The following CCNE2 variants were observed in gnomAD, a reference collection of about 807,000 sequenced individuals.
CCNE2 encodes the protein cyclin E2.
CCNE2 carries 18 observed loss-of-function variants against 56.8 expected under a neutral mutation model. The ratio of observed to expected loss-of-function variants is 0.32; its 90% CI spans 0.22 to 0.47. CCNE2 has a LOEUF of 0.47. CCNE2 is among the 20% of genes least tolerant of loss of function. The pLI, the probability that CCNE2 is intolerant of heterozygous loss-of-function variation, is 1.00. For missense variants in CCNE2, 371 were observed against 467.1 expected (o/e 0.79, Z 1.90); for synonymous variants, 139 against 149.2 (o/e 0.93, Z 0.50).
At chr8:94,887,440 G>A (rs977022301) in intron 7 of CCNE2, among the ~76,000 whole-genome samples, 3 of 152,110 alleles carry the variant, frequency 2.0e-5, no homozygotes, top group Admixed American at 6.5e-5. Flanking sequence ...GGGAGGCGGA[G>A]GTTGCAGAGA....
At chr8:94,893,003 G>A (rs776411482) in intron 4 of CCNE2, 34 bp from the exon 5 acceptor site, 3 of 1,510,476 alleles carry the variant, frequency 2.0e-6, no homozygotes, top group African/African-American at 2.9e-5. Flanking sequence ...ATCAATTTGT[G>A]CAAGGAAAAC....
In CCNE2 at chr8:94,894,039, T is replaced by C. The variant is rs753978168; in HGVS notation, c.95A>G (p.Lys32Arg). ...TTAAATCACCTGGGTAGTTTTCCTC[T>C]TCTTGGCCTGGATTATCTGGGCTTC... is the stretch of plus-strand genomic sequence containing the variant. Reference protein sequence around the residue: ...PQEAQIIQAKKRKTTQDVKKR... With the variant: ...PQEAQIIQAKRRKTTQDVKKR... Residue 32 changes from lysine to arginine, a missense_variant, in exon 3 of 12, where the codon AAG becomes AGG. Coordinates refer to ENST00000308108, the MANE Select transcript of CCNE2 (RefSeq NM_057749.3). 1.9e-6 allele frequency: 3 copies of C among 1,613,808 alleles called. No homozygotes were observed. Among genetic ancestry groups the C allele is most frequent in the Non-Finnish European group, 2.5e-6 (3 of 1,179,964 alleles).
At chr8:94,893,629 G>A (rs1817327165) in intron 4 of CCNE2, 3 of 494,772 alleles carry the variant, frequency 6.1e-6, no homozygotes, top group East Asian at 7.0e-5. Context: ...CAGATTAGGC[G>A]GGCCCTGGTG....
Position 94,894,225 on chromosome 8 carries a change from C to T in CCNE2, c.-4G>A. The T allele has an allele frequency of 6.2e-7, 1 of 1,614,068 alleles. No individual in the cohort carries two copies. Among genetic ancestry groups the T allele is most frequent in the Non-Finnish European group, 8.5e-7 (1 of 1,180,010 alleles). ...AATGTTACCTTCGTCTTGACATTCT[C>T]TTCTTTCAGGTGTATAAAACCTCTG... On this transcript the variant is annotated 5_prime_UTR_variant, in exon 2 of 12. Transcript: ENST00000308108.
rs996466263 is a variant in CCNE2 at position 94,894,184 on chromosome 8, T to C, written c.14+24A>G. ...TAAAGGCAGCAACTAATTTGAAACATGTCTCTAAGACAGATAATGTTACCT... is the reference window on the plus strand; with the variant it reads ...TAAAGGCAGCAACTAATTTGAAACACGTCTCTAAGACAGATAATGTTACCT... On this transcript the variant is annotated intron_variant, in intron 2 of 11. Transcript: ENST00000308108. 4.3e-6 allele frequency: 7 copies of C among 1,613,820 alleles called. No individual in the cohort carries two copies. The African/African-American group carries it at 9.3e-5, about 22-fold the overall frequency.
rs1409657843 is a variant in CCNE2, at chr8:94,882,414, GTT to G, written c.944-127_944-126del. 57 of 740,442 alleles carry G rather than the reference GTT, an allele frequency of 7.7e-5. No individual in the cohort carries two copies. In the East Asian group the frequency reaches 1.6e-3, roughly 20 times the overall value. 45.9% of individuals were successfully genotyped at this position (740,442 alleles called of 1,614,324 possible). On this transcript the variant is annotated intron_variant, in intron 10 of 11. Coordinates refer to ENST00000308108, the MANE Select transcript of CCNE2 (RefSeq NM_057749.3). Reference sequence around the variant, plus strand: ...AAAGAAACCAAATCATAACCAAGAAGTTTAGCATGTCAAAACAGATTATCACT... The same window carrying G: ...AAAGAAACCAAATCATAACCAAGAAGTAGCATGTCAAAACAGATTATCACT...
In CCNE2 at chr8:94,885,574, T is replaced by C. The variant is rs1464651491; in HGVS notation, c.601-16A>G. The C allele has an allele frequency of 6.9e-7, 1 of 1,440,856 alleles. No individual in the cohort carries two copies. Among genetic ancestry groups the C allele is most frequent in the South Asian group, 1.2e-5 (1 of 84,082 alleles). 89.3% of individuals were successfully genotyped at this position (1,440,856 alleles called of 1,614,324 possible). On this transcript the variant is annotated splice_polypyrimidine_tract_variant and intron_variant, in intron 7 of 11. Coordinates refer to ENST00000308108, the MANE Select transcript of CCNE2 (RefSeq NM_057749.3). ...CATAGATTTCCTTTAAATTGTAATA[T>C]TTTTATTGAGTACAATTGAGATAGA...
intron 9 of CCNE2, 160 bp downstream of exon 9, chr8:94,884,907 C>T: frequency 1.7e-6 from 1 of 573,724 alleles, no homozygotes; most frequent in Non-Finnish European, 3.0e-6. Context: ...TATTAAGCAA[C>T]ATAAACACTG....
At chr8:94,882,028 T>A (rs565910454) in intron 11 of CCNE2, 104 bp downstream of exon 11, 3 of 1,176,922 alleles carry the variant, frequency 2.5e-6, no homozygotes, top group East Asian at 2.4e-5. Flanking sequence ...CTTAGAACTT[T>A]CTTTCCCCTG....
intron 7 of CCNE2, among the ~76,000 whole-genome samples, chr8:94,886,919 A>T (rs1367394213): frequency 6.6e-6 from 1 of 152,182 alleles, no homozygotes; most frequent in Admixed American, 6.5e-5. Context: ...AAGTTGTCTA[A>T]AACAGTATAA....
chr8:94,893,458 C>G (rs1270962061), intron 4 of CCNE2: 2 of 169,436 alleles, frequency 1.2e-5, no homozygotes, highest in African/African-American at 2.4e-5. Context: ...AACGCAATCA[C>G]TATCTCCAAA....
intron 1 of CCNE2, 195 bp from the exon 2 acceptor site, chr8:94,894,442 C>T: frequency 1.7e-6 from 1 of 590,042 alleles, no homozygotes; most frequent in Non-Finnish European, 3.0e-6. Context: ...ATTTCCTCAA[C>T]TGAATGTACA....
rs887215378 is a variant in CCNE2 at position 94,881,338 on chromosome 8, T to A, written c.*294A>T. ...TCAAGATAAACACAGTAACACTGGA[T>A]TAAAGGAAAAACATTGCTATGGTAT... On this transcript the variant is annotated 3_prime_UTR_variant, in exon 12 of 12. Transcript: ENST00000308108. 17 of 400,318 alleles carry A rather than the reference T, an allele frequency of 4.2e-5. No individual in the cohort carries two copies. Among genetic ancestry groups the A allele is most frequent in the Non-Finnish European group, 6.6e-5 (15 of 226,458 alleles). 24.8% of individuals were successfully genotyped at this position (400,318 alleles called of 1,614,324 possible).
At position 94,893,057 on chromosome 8, in the gene CCNE2, T is replaced by C; in HGVS notation, c.166-88A>G. 2.9e-6 allele frequency: 3 copies of C among 1,038,434 alleles called. No homozygotes were observed. The South Asian group carries it at 4.9e-5, about 17-fold the overall frequency. 64.3% of individuals were successfully genotyped at this position (1,038,434 alleles called of 1,614,324 possible). On this transcript the variant is annotated intron_variant, in intron 4 of 11. Coordinates refer to ENST00000308108, the MANE Select transcript of CCNE2 (RefSeq NM_057749.3). The stretch of plus-strand genomic sequence containing the variant: ...TCTTTCATAAATGAAAGCTAATATG[T>C]CTAAAGAATCATAATTTTAGCTAAC...
At chr8:94,887,296 G>A (rs28399571) in intron 7 of CCNE2, among the ~76,000 whole-genome samples, 25,128 of 152,072 alleles carry the variant, frequency 0.17, 2,201 homozygotes, top group Middle Eastern at 0.26. Flanking sequence ...GCCTGAGTCA[G>A]GAGTTCAAGA....
In CCNE2 at chr8:94,884,415, C is replaced by T. The variant is rs573902563; in HGVS notation, c.831+652G>A. ...AGGCTGGAGTGCAGTAGTGCGATCT[C>T]GGCTCACTGCAACCTCCACCTCCCA... is the stretch of plus-strand genomic sequence containing the variant. On this transcript the variant is annotated intron_variant, in intron 9 of 11. Coordinates refer to ENST00000308108, the MANE Select transcript of CCNE2 (RefSeq NM_057749.3). Among the ~76,000 whole-genome samples, 73 of 150,870 alleles carry T rather than the reference C, an allele frequency of 4.8e-4. No homozygotes were observed. In the South Asian group the frequency reaches 0.013, roughly 27 times the overall value.
At chr8:94,895,224 A>C (rs1242512476), upstream of CCNE2, 2 of 985,190 alleles carry the variant, frequency 2.0e-6, no homozygotes, top group Non-Finnish European at 2.4e-6. Context: ...CGCCAACCCA[A>C]TATATAGGCC....
In CCNE2 at chr8:94,881,896, G is replaced by A. The variant is rs1297072171; in HGVS notation, c.1102-151C>T. ...GTCATATTCTGAAAGTTTCTGTAAC[G>A]TTATATATTTTTTAAACTCTTTATC... is the stretch of plus-strand genomic sequence containing the variant. On this transcript the variant is annotated intron_variant, in intron 11 of 11. Transcript: ENST00000308108. 11 of 970,742 alleles carry A rather than the reference G, an allele frequency of 1.1e-5. No homozygotes were observed. The Admixed American group carries it at 1.2e-4, about 11-fold the overall frequency. 60.1% of individuals were successfully genotyped at this position (970,742 alleles called of 1,614,324 possible).
At chr8:94,893,135 A>G (rs1292836980) in intron 4 of CCNE2, among the ~76,000 whole-genome samples, 166 bp from the exon 5 acceptor site, 2 of 152,346 alleles carry the variant, frequency 1.3e-5, no homozygotes, top group Admixed American at 6.5e-5. Context: ...CAAGCCATAT[A>G]GCTCATATTG....
Sources: allele counts gnomAD v4.1 joint callset (sites outside exome capture counted in the v4.1 genomes callset), GRCh38; gene constraint gnomAD v4.1.1; transcripts MANE v1.5; gene names NCBI Gene and HGNC (gene_info 2026-07-23, HGNC 2026-07-21).